Variants in FBN3 observed in about 807,000 individuals in gnomAD.
The protein encoded by FBN3 is fibrillin 3, also known as fibrillin-3.
FBN3 carries 234 observed loss-of-function variants against 330.1 expected under a neutral mutation model. That is an observed-to-expected ratio of 0.71 (90% CI 0.64 to 0.79). The LOEUF (loss-of-function observed/expected upper bound fraction) is 0.79, where lower values mean the gene tolerates loss of function less well. Ranked by LOEUF, FBN3 falls within the 30% of genes least tolerant of loss-of-function variation. FBN3 has a pLI of 0.00. For missense variants in FBN3, 3,606 were observed against 3,886.9 expected (o/e 0.93, Z 1.92); for synonymous variants, 1,458 against 1,517.3 (o/e 0.96, Z 0.91).
chr19:8,093,554 C>T (rs1233987883), intron 47 of FBN3, among the ~76,000 whole-genome samples: 11 of 152,004 alleles, frequency 7.2e-5, no homozygotes, highest in African/African-American at 1.7e-4. Flanking sequence ...ACCTGGGAGG[C>T]GGAGCTTGCA....
At chr19:8,135,938 C>CG in intron 13 of FBN3, 23 bp downstream of exon 13, 1 of 233,824 alleles carries the variant, frequency 4.3e-6, no homozygotes, top group Non-Finnish European at 8.1e-6. Flanking sequence ...AAGCCCCTGC[C>CG]CACCCGCCCA....
intron 1 of FBN3, chr19:8,147,790 G>T (rs2083586895): frequency 3.2e-6 from 1 of 312,440 alleles, no homozygotes; most frequent in East Asian, 5.3e-5. Context: ...GTGGGGCCAG[G>T]CGTTGCAGGA....
intron 10 of FBN3, 70 bp downstream of exon 10, chr19:8,138,071 G>T: frequency 6.8e-7 from 1 of 1,464,756 alleles, no homozygotes; most frequent in Non-Finnish European, 9.1e-7. Context: ...TCCCCTGTTT[G>T]GAGCTCTCTC....
chr19:8,133,048 A>G lies in FBN3; in HGVS notation c.1650T>C (p.Asp550=). 1 of 1,586,260 alleles carries G rather than the reference A, an allele frequency of 6.3e-7. No homozygotes were observed. The change falls in exon 14 of 64, where the codon GAT becomes GAC. Residue 550 remains aspartate, a synonymous_variant. Transcript: ENST00000600128. ...MCVNGVCLNE[D]GSFSCLCKPG... ...GTTTGCAGAGGCAGGAGAAGCTGCCATCCTCGTTGAGACACACGCCGTTGA... is the reference window on the plus strand; with the variant it reads ...GTTTGCAGAGGCAGGAGAAGCTGCCGTCCTCGTTGAGACACACGCCGTTGA...
Position 8,122,102 on chromosome 19 carries a change from G to T in FBN3, c.3083-716C>A, listed in dbSNP as rs548441855. The stretch of plus-strand genomic sequence containing the variant: ...AGTGGTGTGATCACAGCTCACTGCA[G>T]CCTCAACCTCCCAGGGCCTCAAGGG... On this transcript the variant is annotated intron_variant, in intron 24 of 63. Transcript: ENST00000600128. Among the ~76,000 whole-genome samples, 9 of 152,076 alleles carry T rather than the reference G, an allele frequency of 5.9e-5. No individual in the cohort carries two copies. The South Asian group carries it at 1.9e-3, about 32-fold the overall frequency.
At chr19:8,143,534 T>C (rs2083463300) in intron 6 of FBN3, among the ~76,000 whole-genome samples, 1 of 149,460 alleles carries the variant, frequency 6.7e-6, no homozygotes, top group African/African-American at 2.5e-5. Context: ...TTTCGCTCTG[T>C]CTTCCAGGCT....
intron 41 of FBN3, among the ~76,000 whole-genome samples, chr19:8,100,419 C>T (rs1159682216): frequency 6.6e-6 from 1 of 152,060 alleles, no homozygotes; most frequent in Non-Finnish European, 1.5e-5. Flanking sequence ...CTCACTGCAA[C>T]CTTTGCCTCC....
chr19:8,106,140 T>C lies in FBN3; in HGVS notation c.4781A>G (p.Tyr1594Cys). 1 of 1,614,076 alleles carries C rather than the reference T, an allele frequency of 6.2e-7. No homozygotes were observed. Among genetic ancestry groups the C allele is most frequent in the African/African-American group, 1.3e-5 (1 of 75,010 alleles). The change falls in exon 38 of 64, where the codon TAC becomes TGC. Residue 1594 changes from tyrosine (Y) to cysteine (C), a missense_variant. Coordinates refer to ENST00000600128, the MANE Select transcript of FBN3 (RefSeq NM_032447.5). The stretch of plus-strand genomic sequence containing the variant: ...GATGCGGGTGTGCTCACTGAGGTGG[T>C]AGCCAGGTGGGCACTCACACTGGAA... ...GSFQCECPPGYHLSEHTRICE... is the reference protein window; with the variant it reads ...GSFQCECPPGCHLSEHTRICE...
At chr19:8,135,212 C>G (rs1030447963) in intron 13 of FBN3, among the ~76,000 whole-genome samples, 1 of 151,688 alleles carries the variant, frequency 6.6e-6, no homozygotes, top group African/African-American at 2.4e-5. Context: ...CTCCTGGCCT[C>G]AAGCGATCCT....
At chr19:8,094,108 A>T (rs2082158174) in intron 47 of FBN3, among the ~76,000 whole-genome samples, 1 of 152,170 alleles carries the variant, frequency 6.6e-6, no homozygotes, top group Non-Finnish European at 1.5e-5. Flanking sequence ...AATCATCTCT[A>T]TGGGTGATTA....
At chr19:8,104,221 C>A (rs2082391448) in intron 38 of FBN3, among the ~76,000 whole-genome samples, 1 of 150,198 alleles carries the variant, frequency 6.7e-6, no homozygotes, top group Non-Finnish European at 1.5e-5. Context: ...TGCCTATCAT[C>A]CCTGCTTTGG....
At chr19:8,142,189 G>A (rs533947171) in intron 6 of FBN3, 52 bp from the exon 7 acceptor site, 5 of 1,441,110 alleles carry the variant, frequency 3.5e-6, no homozygotes, top group Non-Finnish European at 4.7e-6. Context: ...CCTGTCTGGA[G>A]ATCTCTGCGT....
Position 8,118,887 on chromosome 19 carries a change from G to C in FBN3, c.3337+10C>G, listed in dbSNP as rs781656294. 1.1e-5 allele frequency: 18 copies of C among 1,605,192 alleles called. No individual in the cohort carries two copies. Among genetic ancestry groups the C allele is most frequent in the African/African-American group, 2.7e-5 (2 of 74,778 alleles). On this transcript the variant is annotated intron_variant, in intron 26 of 63. Coordinates refer to ENST00000600128, the MANE Select transcript of FBN3 (RefSeq NM_032447.5). Reference sequence around the variant, plus strand: ...AACACTCACACTTGCACACCCAGATGCACACTTACCCTCACAGGCAGTGCC... The same window carrying C: ...AACACTCACACTTGCACACCCAGATCCACACTTACCCTCACAGGCAGTGCC...
chr19:8,115,200 G>A (rs2144853065), intron 30 of FBN3, among the ~76,000 whole-genome samples: 1 of 152,274 alleles, frequency 6.6e-6, no homozygotes, highest in South Asian at 2.1e-4. Flanking sequence ...CATTTGTTAT[G>A]GCAGCCACAG....
chr19:8,095,574 GT>G, intron 45 of FBN3, 71 bp from the exon 46 acceptor site: 2 of 1,537,590 alleles, frequency 1.3e-6, no homozygotes, highest in Non-Finnish European at 1.8e-6. Context: ...TTGTACTTCT[GT>G]CCACAACTGA....
rs2082534636 is a variant in FBN3, at chr19:8,109,752, G to T, written c.4335C>A (p.Asp1445Glu). Residue 1445 changes from aspartate (D) to glutamate (E), a missense_variant and splice_region_variant, in exon 35 of 64, where the codon GAC (aspartate) becomes GAA (glutamate). Physicochemically the swap from Asp to Glu is conservative, Grantham distance 45. Transcript: ENST00000600128. The surrounding 1 kb of genome is among the most constrained non-coding windows in gnomAD (Gnocchi z 5.2). ...TTACTGGGTCTGCACACTCGTTGAT[G>T]TCTGTAGGGAGGAAGCGCGGTCCTC... is the stretch of plus-strand genomic sequence containing the variant. ...ELDRGGGNCT[D>E]INECADPVNC... 6.6e-7 allele frequency: 1 copy of T among 1,509,074 alleles called. No individual in the cohort carries two copies. Among genetic ancestry groups the T allele is most frequent in the African/African-American group, 1.4e-5 (1 of 71,356 alleles). 93.5% of individuals were successfully genotyped at this position (1,509,074 alleles called of 1,614,324 possible).
At chr19:8,113,841 CAAAAAA>C (rs34470005) in intron 30 of FBN3, among the ~76,000 whole-genome samples, 92 of 117,844 alleles carry the variant, frequency 7.8e-4, no homozygotes, top group African/African-American at 2.9e-3. Context: ...ACTATCTCTA[CAAAAAA>C]AAAAAAAAAA....
intron 10 of FBN3, among the ~76,000 whole-genome samples, chr19:8,137,640 A>C (rs1387335070): frequency 7.7e-6 from 1 of 129,802 alleles, no homozygotes; most frequent in East Asian, 2.1e-4. Context: ...TTATTTATTT[A>C]TTTTTAGAGA....
chr19:8,115,229 A>G (rs1229984207), intron 30 of FBN3, among the ~76,000 whole-genome samples: 1 of 152,204 alleles, frequency 6.6e-6, no homozygotes, highest in African/African-American at 2.4e-5. Context: ...CACAGTCACT[A>G]TTCAAATGTT....
Sources: allele counts gnomAD v4.1 joint callset (sites outside exome capture counted in the v4.1 genomes callset), GRCh38; gene constraint gnomAD v4.1.1; non-coding constraint Gnocchi (gnomAD v3.1); transcripts MANE v1.5; gene names NCBI Gene and HGNC (gene_info 2026-07-23, HGNC 2026-07-21).